The following SETBP1 variants were observed in gnomAD, a reference collection of about 807,000 sequenced individuals.
The protein encoded by SETBP1 is SET-binding protein.
In SETBP1, 9 loss-of-function variants were observed where a neutral mutation model predicts 101.0. The observed-to-expected ratio is 0.09, with a 90% CI of 0.05 to 0.16. SETBP1 has a LOEUF of 0.16. Among genes scored for constraint, SETBP1 ranks in the 10% least tolerant of loss-of-function variants. SETBP1 has a pLI of 1.00. For synonymous variants in SETBP1, 818 were observed against 788.5 expected (o/e 1.04, Z -0.63); for missense variants, 1,858 against 2,033.8 (o/e 0.91, Z 1.66).
intron 3 of SETBP1, among the ~76,000 whole-genome samples, chr18:44,905,984 T>C (rs2070165635): frequency 6.6e-6 from 1 of 152,224 alleles, no homozygotes; most frequent in South Asian, 2.1e-4. Context: ...ATAGGTGTCC[T>C]CATAGCCAAC....
At chr18:44,912,370 G>A (rs868486463) in intron 3 of SETBP1, among the ~76,000 whole-genome samples, 1 of 152,114 alleles carries the variant, frequency 6.6e-6, no homozygotes, top group African/African-American at 2.4e-5. Flanking sequence ...AGTCTGTAGA[G>A]GACCATATAT....
At chr18:45,058,763 C>T (rs887597423) in intron 5 of SETBP1, among the ~76,000 whole-genome samples, 23 of 152,280 alleles carry the variant, frequency 1.5e-4, no homozygotes, top group African/African-American at 2.6e-4. Flanking sequence ...TGCAAAAGAA[C>T]GAGGGATACT....
intron 3 of SETBP1, among the ~76,000 whole-genome samples, chr18:44,872,941 A>G (rs777911338): frequency 2.0e-5 from 3 of 152,230 alleles, no homozygotes; most frequent in Non-Finnish European, 2.9e-5. Context: ...CTCAGAGAAT[A>G]GGATACTTCC....
intron 4 of SETBP1, among the ~76,000 whole-genome samples, chr18:44,968,082 T>A (rs948662062): frequency 6.6e-6 from 1 of 152,170 alleles, no homozygotes. Flanking sequence ...GGACAGTTCA[T>A]TTTTAGACTA....
chr18:44,873,498 A>G (rs2069326382), intron 3 of SETBP1, among the ~76,000 whole-genome samples: 1 of 152,158 alleles, frequency 6.6e-6, no homozygotes, highest in South Asian at 2.1e-4. Flanking sequence ...TCTATGGAAC[A>G]AGCAGGGAGG....
chr18:44,949,743 G>A (rs976562875), intron 3 of SETBP1, 138 bp from the exon 4 acceptor site: 1 of 716,102 alleles, frequency 1.4e-6, no homozygotes, highest in Non-Finnish European at 2.4e-6. Flanking sequence ...TAAAATTAAA[G>A]GTGGCTGTTC....
At chr18:44,882,427 T>C (rs1268801551) in intron 3 of SETBP1, among the ~76,000 whole-genome samples, 1 of 151,976 alleles carries the variant, frequency 6.6e-6, no homozygotes, top group Non-Finnish European at 1.5e-5. Context: ...TGCTCAGCTG[T>C]CATCTGGGGC....
At position 44,952,208 on chromosome 18, in the gene SETBP1, C is replaced by T. The variant is rs571014959; in HGVS notation, c.2868C>T (p.Asp956=). 1.2e-6 allele frequency: 2 copies of T among 1,614,030 alleles called. No homozygotes were observed. The highest frequency in any genetic ancestry group is 1.7e-5 in the Admixed American group (1 of 60,000). Reference sequence around the variant, plus strand: ...GCGATGACCTCCAGTTTCTGGCAGACCTGGAGGAGCTAATCACCAAGTTCC... The same window carrying T: ...GCGATGACCTCCAGTTTCTGGCAGATCTGGAGGAGCTAATCACCAAGTTCC... ...QNRDDLQFLA[D]LEELITKFQV... The change falls in exon 4 of 6, where the codon GAC becomes GAT. Residue 956 remains aspartate (D), a synonymous_variant. Coordinates refer to ENST00000649279, the MANE Select transcript of SETBP1 (RefSeq NM_015559.3).
At chr18:44,861,977 G>A (rs1418143157) in intron 2 of SETBP1, among the ~76,000 whole-genome samples, 1 of 152,142 alleles carries the variant, frequency 6.6e-6, no homozygotes, top group Non-Finnish European at 1.5e-5. Context: ...CTATATCAGG[G>A]CATTTGGAGG....
chr18:45,028,728 T>C (rs576065069), intron 4 of SETBP1, among the ~76,000 whole-genome samples: 46 of 152,338 alleles, frequency 3.0e-4, no homozygotes, highest in African/African-American at 1.0e-3. Context: ...TGGTATCTCA[T>C]TGTGGTTTTG....
chr18:44,808,048 TG>T (rs1370698561), intron 2 of SETBP1, among the ~76,000 whole-genome samples: 2 of 152,192 alleles, frequency 1.3e-5, no homozygotes, highest in African/African-American at 4.8e-5. Flanking sequence ...GAAACTAGAT[TG>T]GAGGTGAAAG....
rs779923877 is a variant in SETBP1 at position 44,950,839 on chromosome 18, C to T, written c.1499C>T (p.Pro500Leu). 3.1e-6 allele frequency: 5 copies of T among 1,614,026 alleles called. No individual in the cohort carries two copies. Among genetic ancestry groups the T allele is most frequent in the Non-Finnish European group, 4.2e-6 (5 of 1,180,016 alleles). ...GGAGGTGTGTCTAAGCCGCGGAAGC[C>T]ACCCATGGTCATGACACCTCCAACG... The part of the protein sequence containing the change: ...IPGGVSKPRK[P>L]PMVMTPPTCT... Residue 500 changes from proline to leucine, a missense_variant, in exon 4 of 6, where the codon CCA becomes CTA. Around this residue, in one of 12 missense-constraint regions of SETBP1, gnomAD observed 581 missense variants for 535.1 expected, o/e 1.09. Transcript: ENST00000649279.
intron 3 of SETBP1, among the ~76,000 whole-genome samples, chr18:44,920,844 C>CT (rs145871104): frequency 0.098 from 14,872 of 152,238 alleles, 738 homozygotes; most frequent in East Asian, 0.15. Flanking sequence ...TAGCTACTGG[C>CT]ATCGGCATAG....
intron 3 of SETBP1, among the ~76,000 whole-genome samples, chr18:44,903,783 A>G (rs953088203): frequency 7.2e-5 from 11 of 152,224 alleles, no homozygotes; most frequent in South Asian, 2.1e-4. Context: ...CAGTTCATCT[A>G]ATTTCACAGA....
chr18:44,782,634 A>G (rs754294238), intron 2 of SETBP1, among the ~76,000 whole-genome samples: 4 of 152,174 alleles, frequency 2.6e-5, no homozygotes, highest in East Asian at 1.9e-4. Flanking sequence ...GATGGTTCCA[A>G]TGGAGAGAAC....
chr18:44,817,748 C>T (rs918865297), intron 2 of SETBP1, among the ~76,000 whole-genome samples: 9 of 150,476 alleles, frequency 6.0e-5, no homozygotes, highest in South Asian at 2.1e-4. Context: ...AGGGAAAATG[C>T]GGGGACTACG....
In SETBP1 at chr18:44,953,035, C is replaced by T; in HGVS notation, c.3695C>T (p.Ser1232Phe). 1 of 1,614,176 alleles carries T rather than the reference C, an allele frequency of 6.2e-7. No homozygotes were observed. Among genetic ancestry groups the T allele is most frequent in the Non-Finnish European group, 8.5e-7 (1 of 1,180,030 alleles). The stretch of plus-strand genomic sequence containing the variant: ...AACAACTTTGAGGTGGACACCCTGT[C>T]TACACTGTCACTTTCCGACGCCCAG... ...SKNNFEVDTL[S>F]TLSLSDAQHW... is the part of the protein sequence containing the mutation. The change falls in exon 4 of 6, where the codon TCT (serine) becomes TTT (phenylalanine). Residue 1232 changes from serine to phenylalanine, a missense_variant. Coordinates refer to ENST00000649279, the MANE Select transcript of SETBP1 (RefSeq NM_015559.3).
intron 2 of SETBP1, among the ~76,000 whole-genome samples, chr18:44,729,417 G>T (rs1282179862): frequency 1.3e-5 from 2 of 152,208 alleles, no homozygotes; most frequent in Non-Finnish European, 2.9e-5. Context: ...GAAGGGAATT[G>T]ATATAAAAGG....
intron 2 of SETBP1, among the ~76,000 whole-genome samples, chr18:44,720,903 C>T (rs540298826): frequency 0.015 from 1,335 of 89,736 alleles, 42 homozygotes; most frequent in East Asian, 0.13. Flanking sequence ...GCCCTCCAAC[C>T]CCCACCCCCC....
Sources: allele counts gnomAD v4.1 joint callset (sites outside exome capture counted in the v4.1 genomes callset), GRCh38; gene constraint gnomAD v4.1.1; regional missense constraint gnomAD v4.1.1; transcripts MANE v1.5; gene names NCBI Gene and HGNC (gene_info 2026-07-23, HGNC 2026-07-21).